The following EEA1 variants were observed in gnomAD, a reference collection of about 807,000 sequenced individuals.
EEA1 encodes the protein early endosome antigen 1, 162kD.
A neutral mutation model predicts 209.2 loss-of-function variants in EEA1; 111 were observed. That is an observed-to-expected ratio of 0.53 (90% confidence interval 0.45 to 0.62). The LOEUF is 0.62. Among genes scored for constraint, EEA1 ranks in the 20% least tolerant of loss-of-function variants. EEA1 has a pLI of 0.00. For missense variants in EEA1, 1,343 were observed against 1,530.8 expected, an observed-to-expected ratio of 0.88 and a Z score of 2.05; for synonymous variants, 536 against 540.6, an observed-to-expected ratio of 0.99 and a Z score of 0.12.
chr12:92,817,371 C>A (rs1565820498), intron 14 of EEA1, among the ~76,000 whole-genome samples: 1 of 150,732 alleles, frequency 6.6e-6, no homozygotes, highest in South Asian at 2.1e-4. Context: ...TTTTTTTTTA[C>A]CATTTCTGTT....
chr12:92,788,834 G>A (rs1874257563), intron 21 of EEA1, among the ~76,000 whole-genome samples: 1 of 152,066 alleles, frequency 6.6e-6, no homozygotes, highest in African/African-American at 2.4e-5. Context: ...TTCTTCAACT[G>A]GTTTCCAAAG....
intron 21 of EEA1, among the ~76,000 whole-genome samples, chr12:92,794,733 G>GC: frequency 2.0e-5 from 3 of 151,468 alleles, no homozygotes; most frequent in African/African-American, 4.9e-5. Context: ...GCCTGTCGGG[G>GC]GGTGGGGGGC....
intron 20 of EEA1, among the ~76,000 whole-genome samples, chr12:92,799,859 T>C (rs550021380): frequency 6.6e-6 from 1 of 152,218 alleles, no homozygotes; most frequent in South Asian, 2.1e-4. Context: ...TCGCAAAGAA[T>C]AGCTCTATAG....
chr12:92,846,323 G>T (rs902223173), intron 9 of EEA1, among the ~76,000 whole-genome samples: 2 of 152,128 alleles, frequency 1.3e-5, no homozygotes, highest in Non-Finnish European at 2.9e-5. Flanking sequence ...TGGATGAAAG[G>T]TGGCAGACAA....
rs1055685477 is a variant in EEA1 at position 92,884,147 on chromosome 12, C to G, written c.117+7482G>C. 7.3e-6 allele frequency: 9 copies of G among 1,235,662 alleles called. No individual in the cohort carries two copies. In the Admixed American group the frequency reaches 1.5e-4, roughly 21 times the overall value. The allele number at this position is 1,235,662 out of a possible 1,614,324, so 76.5% of individuals were successfully genotyped here. A position where few individuals can be genotyped will look rare whatever the true frequency, so the allele number is the denominator to read the frequency against. On this transcript the variant is annotated intron_variant, in intron 2 of 28. Transcript: ENST00000322349. ...ACAACACCTAAGAGATTATTTTGAA[C>G]AGTATGGAAAAATTGAAGTGACTCA...
At chr12:92,839,189 A>C (rs1317778220) in intron 10 of EEA1, among the ~76,000 whole-genome samples, 1 of 152,232 alleles carries the variant, frequency 6.6e-6, no homozygotes, top group Admixed American at 6.5e-5. Context: ...AATGTATCAA[A>C]ATTTGGAAGA....
In EEA1 at chr12:92,778,177, A is replaced by G; in HGVS notation, c.3657T>C (p.His1219=). The G allele has an allele frequency of 6.2e-7, 1 of 1,608,308 alleles. No individual in the cohort carries two copies. Among genetic ancestry groups the G allele is most frequent in the Non-Finnish European group, 8.5e-7 (1 of 1,177,316 alleles). The change falls in exon 26 of 29, where the codon CAT becomes CAC. Residue 1219 remains histidine (H), a splice_region_variant and synonymous_variant. Coordinates refer to ENST00000322349, the MANE Select transcript of EEA1 (RefSeq NM_003566.4). ...KEFIEKEAKL[H]SEIKEKEVGM... ...CTACTTCCTTTTCTTTTATTTCGGA[A>G]TGCTGAAAAAAAGGAAAAGTTGGGG...
chr12:92,828,884 CCTCT>C (rs1876462552), intron 11 of EEA1, among the ~76,000 whole-genome samples: 1 of 152,048 alleles, frequency 6.6e-6, no homozygotes, highest in Non-Finnish European at 1.5e-5. Flanking sequence ...AGTACCACCT[CCTCT>C]CTCTAACACA....
intron 15 of EEA1, among the ~76,000 whole-genome samples, chr12:92,815,461 A>ATTATT (rs1389837828): frequency 6.6e-6 from 1 of 152,210 alleles, no homozygotes; most frequent in Non-Finnish European, 1.5e-5. Flanking sequence ...AAAGAAAGAA[A>ATTATT]TGTATATTCT....
chr12:92,775,148 G>A lies in EEA1; in HGVS notation c.*863C>T, dbSNP rs572657703. ...ATCTCAAAAGACTTCCCACTTACAA[G>A]AAACCGAGAATAAGAACATTATACA... is the stretch of plus-strand genomic sequence containing the variant. On this transcript the variant is annotated 3_prime_UTR_variant, in exon 29 of 29. Coordinates refer to ENST00000322349, the MANE Select transcript of EEA1 (RefSeq NM_003566.4). 2.0e-5 allele frequency: 3 copies of A among 151,748 alleles called. No homozygotes were observed. Among genetic ancestry groups the A allele is most frequent in the African/African-American group, 7.2e-5 (3 of 41,486 alleles). The allele number at this position is 151,748 out of a possible 1,614,324, so 9.4% of individuals were successfully genotyped here.
intron 9 of EEA1, among the ~76,000 whole-genome samples, chr12:92,844,977 C>T (rs1385416172): frequency 6.6e-6 from 1 of 151,750 alleles, no homozygotes; most frequent in Non-Finnish European, 1.5e-5. Flanking sequence ...TAGAATTTTC[C>T]TTATTAAATA....
chr12:92,857,670 A>C (rs1352165929), intron 3 of EEA1, among the ~76,000 whole-genome samples, 185 bp from the exon 4 acceptor site: 1 of 152,182 alleles, frequency 6.6e-6, no homozygotes, highest in Non-Finnish European at 1.5e-5. Context: ...TTTATTCCTA[A>C]AGCTTACTGT....
intron 1 of EEA1, among the ~76,000 whole-genome samples, chr12:92,925,680 C>T (rs1881183905): frequency 6.6e-6 from 1 of 152,180 alleles, no homozygotes; most frequent in South Asian, 2.1e-4. Context: ...AGCTACTTCA[C>T]TTTGGTTTTG....
At chr12:92,908,694 A>C (rs1244299305) in intron 1 of EEA1, among the ~76,000 whole-genome samples, 2 of 152,212 alleles carry the variant, frequency 1.3e-5, no homozygotes, top group African/African-American at 4.8e-5. Context: ...CTATTTATGT[A>C]TATTTTAGCA....
chr12:92,924,306 C>A (rs796825341), intron 1 of EEA1, among the ~76,000 whole-genome samples: 6 of 146,652 alleles, frequency 4.1e-5, no homozygotes, highest in African/African-American at 1.5e-4. Flanking sequence ...CTCCCAGGTT[C>A]AAGCAGTTCC....
intron 1 of EEA1, among the ~76,000 whole-genome samples, chr12:92,908,785 A>C (rs1052127070): frequency 1.3e-5 from 2 of 152,074 alleles, no homozygotes; most frequent in Non-Finnish European, 2.9e-5. Flanking sequence ...TAAGTAAAAA[A>C]CCATTTTATA....
At chr12:92,778,501 C>T (rs1043784596) in intron 25 of EEA1, among the ~76,000 whole-genome samples, 3 of 152,012 alleles carry the variant, frequency 2.0e-5, no homozygotes, top group African/African-American at 7.2e-5. Context: ...AGAGACAAAG[C>T]TGAAATTTCC....
Position 92,900,902 on chromosome 12 carries a change from C to T in EEA1, c.25-9181G>A, listed in dbSNP as rs1421684740. On this transcript the variant is annotated intron_variant, in intron 1 of 28. Transcript: ENST00000322349. ...CAGGCTGGTCTCTAAATCCTGACCT[C>T]AACTGATCCGCCCACCTCAGCCTCC... Among the ~76,000 whole-genome samples, 3 of 152,192 alleles carry T rather than the reference C, an allele frequency of 2.0e-5. No homozygotes were observed. The East Asian group carries it at 5.8e-4, about 29-fold the overall frequency.
chr12:92,868,489 T>C (rs555941950), intron 2 of EEA1, among the ~76,000 whole-genome samples: 2 of 152,218 alleles, frequency 1.3e-5, no homozygotes, highest in Non-Finnish European at 2.9e-5. Context: ...TTTTTGACTA[T>C]TGGCTCCACT....
Sources: gnomAD v4.1 joint callset for allele counts (sites outside exome capture counted in the v4.1 genomes callset) on GRCh38, gnomAD v4.1.1 for gene constraint, MANE v1.5 for transcripts, NCBI Gene and HGNC (gene_info 2026-07-23, HGNC 2026-07-21) for gene names.